The following HSD17B10 variants were observed in gnomAD, a reference collection of about 807,000 sequenced individuals.
The protein encoded by HSD17B10 is 3-hydroxyacyl-CoA dehydrogenase type-2.
For missense variants in HSD17B10, 87 were observed against 219.4 expected (o/e 0.40, Z 3.81); for synonymous variants, 90 against 85.9 (o/e 1.05, Z -0.26).
rs782612713 is a variant in HSD17B10 at position 53,431,792 on chromosome X, G to A, written c.595+6C>T. 1 of 1,192,309 alleles carries A rather than the reference G, an allele frequency of 8.4e-7. No individual in the cohort carries two copies. The highest frequency in any genetic ancestry group is 1.1e-6 in the Non-Finnish European group (1 of 878,565). On this transcript the variant is annotated splice_donor_region_variant and intron_variant, in intron 5 of 5. Transcript: ENST00000168216. ...CAGGTATGATGGAGAGAGGGGATAT[G>A]TCTACCTGGGGCAATGGTCATCACC... is the stretch of plus-strand genomic sequence containing the variant.
chrX:53,432,698 A>C, intron 2 of HSD17B10: 1 of 318,382 alleles, frequency 3.1e-6, no homozygotes, highest in Non-Finnish European at 5.7e-6. Flanking sequence ...AAAAATACAA[A>C]ATTAGCCGGC....
rs781933715 is a variant in HSD17B10 at position 53,431,410 on chromosome X, C to T, written c.780G>A (p.Gln260=). ...VIRLDGAIRM[Q]P ...TTTTCTCTGCCTTCTCCCTTCAAGG[C>T]TGCATACGAATGGCCCCATCCAGCC... The change falls in exon 6 of 6, where the codon CAG becomes CAA. Residue 260 remains glutamine (Q), a synonymous_variant. Coordinates refer to ENST00000168216, the MANE Select transcript of HSD17B10 (RefSeq NM_004493.3). The T allele has an allele frequency of 3.3e-6, 4 of 1,206,757 alleles. No individual in the cohort carries two copies. Among genetic ancestry groups the T allele is most frequent in the Non-Finnish European group, 4.5e-6 (4 of 892,625 alleles).
chrX:53,432,497 C>G (rs1602427006), intron 2 of HSD17B10, 86 bp from the exon 3 acceptor site: 6 of 807,896 alleles, frequency 7.4e-6, no homozygotes, highest in Non-Finnish European at 1.1e-5. Context: ...CAGGGCATGC[C>G]CAGTCCTTGG....
Position 53,431,865 on chromosome X carries a change from C to T in HSD17B10, c.528G>A (p.Val176=). Residue 176 remains valine (V), a synonymous_variant, in exon 5 of 6, where the codon GTG becomes GTA. Coordinates refer to ENST00000168216, the MANE Select transcript of HSD17B10 (RefSeq NM_004493.3). ...CCCGAGCAATGGGCAGTGTCATGCCCACTATTCCCCCCTTGGAAGCAGAGT... is the reference window on the plus strand; with the variant it reads ...CCCGAGCAATGGGCAGTGTCATGCCTACTATTCCCCCCTTGGAAGCAGAGT... ...AAYSASKGGI[V]GMTLPIARDL... is the part of the protein sequence containing the mutation. 1 of 1,211,277 alleles carries T rather than the reference C, an allele frequency of 8.3e-7. No homozygotes were observed. Among genetic ancestry groups the T allele is most frequent in the Non-Finnish European group, 1.1e-6 (1 of 895,147 alleles).
intron 5 of HSD17B10, 82 bp downstream of exon 5, chrX:53,431,716 T>C: frequency 9.8e-7 from 1 of 1,016,526 alleles, no homozygotes. Context: ...TGCTGCTGCT[T>C]AGGTGGTGGA....
chrX:53,432,061 T>C lies in HSD17B10; in HGVS notation c.413A>G (p.Gln138Arg), dbSNP rs1556894601. The change falls in exon 4 of 6, where the codon CAG becomes CGG. Residue 138 changes from glutamine to arginine, a missense_variant. Physicochemically the swap from Gln to Arg is conservative, Grantham distance 43. Coordinates refer to ENST00000168216, the MANE Select transcript of HSD17B10 (RefSeq NM_004493.3). Reference sequence around the variant, plus strand: ...TTGGCCTCCCTGGTCTGGTTCATTCTGGCCCATCTCACCAGCCACCAGGCG... The same window carrying C: ...TTGGCCTCCCTGGTCTGGTTCATTCCGGCCCATCTCACCAGCCACCAGGCG... ...VIRLVAGEMG[Q>R]NEPDQGGQRG... The C allele has an allele frequency of 3.3e-6, 4 of 1,211,790 alleles. No individual in the cohort carries two copies. The South Asian group carries it at 7.0e-5, about 21-fold the overall frequency.
In HSD17B10 at chrX:53,431,587, A is replaced by G; in HGVS notation, c.603T>C (p.Phe201=). 1 of 1,197,541 alleles carries G rather than the reference A, an allele frequency of 8.4e-7. No individual in the cohort carries two copies. The highest frequency in any genetic ancestry group is 1.1e-6 in the Non-Finnish European group (1 of 886,080). Residue 201 remains phenylalanine, a synonymous_variant, in exon 6 of 6, where the codon TTT becomes TTC. Coordinates refer to ENST00000168216, the MANE Select transcript of HSD17B10 (RefSeq NM_004493.3). ...IRVMTIAPGL[F]GTPLLTSLPE... ...GGAGGCTGGTCAGCAGTGGGGTGCCAAACAGACCTAAACAATATAGCCAAA... is the reference window on the plus strand; with the variant it reads ...GGAGGCTGGTCAGCAGTGGGGTGCCGAACAGACCTAAACAATATAGCCAAA...
chrX:53,433,619 G>T, intron 2 of HSD17B10, 103 bp downstream of exon 2: 2 of 761,363 alleles, frequency 2.6e-6, no homozygotes, highest in Non-Finnish European at 4.0e-6. Context: ...TGGGTCTACC[G>T]CCCCCATAGA....
In HSD17B10 at chrX:53,431,521, G is replaced by A; in HGVS notation, c.669C>T (p.Phe223=). 8.3e-7 allele frequency: 1 copy of A among 1,210,953 alleles called. No individual in the cohort carries two copies. Among genetic ancestry groups the A allele is most frequent in the Non-Finnish European group, 1.1e-6 (1 of 894,705 alleles). ...CAGCAGGGTCACCCAGTCGGCTAGG[G>A]AAGGGCACTTGGCTGGCCAAGAAGT... ...VCNFLASQVP[F]PSRLGDPAEY... is the part of the protein sequence containing the mutation. Residue 223 remains phenylalanine (F), a synonymous_variant, in exon 6 of 6, where the codon TTC becomes TTT. Transcript: ENST00000168216.
At chrX:53,432,968 A>G (rs1252965448) in intron 2 of HSD17B10, 1 of 150,456 alleles carries the variant, frequency 6.6e-6, no homozygotes, top group Non-Finnish European at 1.3e-5. Context: ...AAGATTCTTA[A>G]TTGCTGTGGA....
chrX:53,432,550 T>G, intron 2 of HSD17B10, 139 bp from the exon 3 acceptor site: 2 of 567,397 alleles, frequency 3.5e-6, no homozygotes, highest in Non-Finnish European at 6.0e-6. Flanking sequence ...AGAGAAAGGT[T>G]GTAAAACTTG....
intron 1 of HSD17B10, 86 bp downstream of exon 1, chrX:53,434,233 G>T (rs781997669): frequency 9.4e-7 from 1 of 1,065,806 alleles, no homozygotes; most frequent in Non-Finnish European, 1.3e-6. Context: ...CCTTTCCCTC[G>T]AAACCGATCT....
chrX:53,433,948 G>T, intron 1 of HSD17B10, 62 bp from the exon 2 acceptor site: 1 of 1,128,201 alleles, frequency 8.9e-7, no homozygotes. Flanking sequence ...CCACGCTGTC[G>T]CCTGCCTGTT....
chrX:53,432,560 G>T, intron 2 of HSD17B10, 149 bp from the exon 3 acceptor site: 1 of 543,718 alleles, frequency 1.8e-6, no homozygotes, highest in Non-Finnish European at 3.2e-6. Flanking sequence ...TGTAAAACTT[G>T]AGAGATAGGC....
In HSD17B10 at chrX:53,431,922, A is replaced by G. The variant is rs1273677660; in HGVS notation, c.487-16T>C. On this transcript the variant is annotated splice_polypyrimidine_tract_variant and intron_variant, in intron 4 of 5. Coordinates refer to ENST00000168216, the MANE Select transcript of HSD17B10 (RefSeq NM_004493.3). ...CTTGTCCAACCTGGAGAAAGAGTAG[A>G]AGTCATAGGTGGGAGGGCCCCAACA... 8.3e-7 allele frequency: 1 copy of G among 1,207,064 alleles called. No individual in the cohort carries two copies. Among genetic ancestry groups the G allele is most frequent in the Non-Finnish European group, 1.1e-6 (1 of 892,914 alleles).
rs931676673 is a variant in HSD17B10 at position 53,431,505 on chromosome X, C to G, written c.685G>C (p.Asp229His). Residue 229 changes from aspartate to histidine, a missense_variant, in exon 6 of 6, where the codon GAC becomes CAC. Physicochemically the swap from Asp to His is moderately conservative, Grantham distance 81. Transcript: ENST00000168216. Reference protein sequence around the residue: ...SQVPFPSRLGDPAEYAHLVQA... With the variant: ...SQVPFPSRLGHPAEYAHLVQA... The stretch of plus-strand genomic sequence containing the variant: ...ACGAGGTGAGCATACTCAGCAGGGT[C>G]ACCCAGTCGGCTAGGGAAGGGCACT... 1 of 1,210,587 alleles carries G rather than the reference C, an allele frequency of 8.3e-7. No homozygotes were observed. The highest frequency in any genetic ancestry group is 3.0e-5 in the East Asian group (1 of 33,841).
At chrX:53,433,104 C>G (rs1485000345) in intron 2 of HSD17B10, 2 of 115,581 alleles carry the variant, frequency 1.7e-5, no homozygotes, top group Non-Finnish European at 3.5e-5. Context: ...GCCCGGCCAA[C>G]ATGGTGAAAC....
rs1569365820 is a variant in HSD17B10, at chrX:53,432,328, T to G, written c.276A>C (p.Ala92=). Residue 92 remains alanine (A), a synonymous_variant, in exon 3 of 6, where the codon GCA becomes GCC. Coordinates refer to ENST00000168216, the MANE Select transcript of HSD17B10 (RefSeq NM_004493.3). ...ACGTCTTGCTAGCCACCGCGATGCC[T>G]GCACAGTTGACAGCTACATCCACAC... ...FGRVDVAVNC[A]GIAVASKTYN... is the part of the protein sequence containing the mutation. The G allele has an allele frequency of 6.6e-6, 8 of 1,208,448 alleles. 1 individual carries two copies. Among genetic ancestry groups the G allele is most frequent in the Admixed American group, 6.6e-5 (3 of 45,708 alleles).
Position 53,431,359 on chromosome X carries a change from G to A in HSD17B10, c.*45C>T, listed in dbSNP as rs376795281. Reference sequence around the variant, plus strand: ...CCCAAGCTGGAGAGTAGTACCCCAGGGAAAGGAAGGGCAGAGGAGCGTGTG... The same window carrying A: ...CCCAAGCTGGAGAGTAGTACCCCAGAGAAAGGAAGGGCAGAGGAGCGTGTG... On this transcript the variant is annotated 3_prime_UTR_variant, in exon 6 of 6. Coordinates refer to ENST00000168216, the MANE Select transcript of HSD17B10 (RefSeq NM_004493.3). The A allele has an allele frequency of 3.3e-5, 37 of 1,136,492 alleles. No individual in the cohort carries two copies. The highest frequency in any genetic ancestry group is 4.2e-5 in the Non-Finnish European group (35 of 830,706). 93.7% of individuals were successfully genotyped at this position (1,136,492 alleles called of 1,213,427 possible). A position where few individuals can be genotyped will look rare whatever the true frequency, so the allele number is the denominator to read the frequency against.
Sources: gnomAD v4.1 joint callset for allele counts on GRCh38, gnomAD v4.1.1 for gene constraint, MANE v1.5 for transcripts, NCBI Gene and HGNC (gene_info 2026-07-23, HGNC 2026-07-21) for gene names.